The following GALNT13 variants were observed in gnomAD, a reference collection of about 807,000 sequenced individuals.
The protein encoded by GALNT13 is polypeptide N-acetylgalactosaminyltransferase 13.
GALNT13 carries 28 observed loss-of-function variants against 64.2 expected under a neutral mutation model. That is an observed-to-expected ratio of 0.44 (90% CI 0.32 to 0.60). The LOEUF is 0.60. Ranked by LOEUF, GALNT13 falls within the 20% of genes least tolerant of loss-of-function variation. The pLI is 0.05. For synonymous variants in GALNT13, 214 were observed against 224.6 expected (o/e 0.95, Z 0.42); for missense variants, 577 against 669.8 (o/e 0.86, Z 1.53).
At chr2:153,203,891 A>ACG in the GALNT13 span, among the ~76,000 whole-genome samples, 25 of 150,198 alleles carry the variant, frequency 1.7e-4, no homozygotes, top group South Asian at 2.5e-3. Flanking sequence ...ACACACACAC[A>ACG]CGCATACACT....
the GALNT13 span, among the ~76,000 whole-genome samples, chr2:153,192,929 G>A: frequency 6.6e-6 from 1 of 151,958 alleles, no homozygotes; most frequent in Non-Finnish European, 1.5e-5. Context: ...GTTGGATCAT[G>A]TTGTCATCCA....
At chr2:153,318,727 G>C in the GALNT13 span, among the ~76,000 whole-genome samples, 43 of 152,210 alleles carry the variant, frequency 2.8e-4, no homozygotes, top group Non-Finnish European at 5.3e-4. Context: ...ATTTTTCTAT[G>C]CAACTGAAAG....
chr2:153,114,251 G>C, the GALNT13 span, among the ~76,000 whole-genome samples: 1 of 152,100 alleles, frequency 6.6e-6, no homozygotes, highest in Admixed American at 6.5e-5. Flanking sequence ...TAGTTGGTCA[G>C]CTCCTCTCTG....
chr2:154,349,286 C>G (rs1696251657), intron 9 of GALNT13, among the ~76,000 whole-genome samples: 1 of 152,082 alleles, frequency 6.6e-6, no homozygotes, highest in Non-Finnish European at 1.5e-5. Context: ...ATTTTCCTAT[C>G]CATGAAATGT....
chr2:153,935,058 G>T (rs1260186989), intron 2 of GALNT13, among the ~76,000 whole-genome samples: 1 of 152,102 alleles, frequency 6.6e-6, no homozygotes, highest in Non-Finnish European at 1.5e-5. Flanking sequence ...TTTATATAAG[G>T]CTATTATGAG....
At chr2:153,229,345 C>G in the GALNT13 span, among the ~76,000 whole-genome samples, 1 of 152,186 alleles carries the variant, frequency 6.6e-6, no homozygotes, top group South Asian at 2.1e-4. Flanking sequence ...TCCTTACCCT[C>G]TGTGCCTTAG....
the GALNT13 span, among the ~76,000 whole-genome samples, chr2:153,780,780 T>C: frequency 6.6e-6 from 1 of 152,010 alleles, no homozygotes; most frequent in African/African-American, 2.4e-5. Context: ...ACAGCAAAAA[T>C]ATTGCCTGCT....
the GALNT13 span, among the ~76,000 whole-genome samples, chr2:153,204,164 C>G: frequency 6.6e-6 from 1 of 152,192 alleles, no homozygotes; most frequent in South Asian, 2.1e-4. Context: ...CTTCCAGTAA[C>G]TTTAGGAAAC....
the GALNT13 span, among the ~76,000 whole-genome samples, chr2:153,188,417 G>A: frequency 4.9e-4 from 73 of 149,768 alleles, 1 homozygote; most frequent in Non-Finnish European, 9.3e-4. Context: ...CAATTAAAAG[G>A]GCAAGTCAGG....
intron 3 of GALNT13, among the ~76,000 whole-genome samples, chr2:153,970,451 G>T (rs1317579928): frequency 6.6e-6 from 1 of 152,082 alleles, no homozygotes; most frequent in Non-Finnish European, 1.5e-5. Flanking sequence ...ACCTCCTAAA[G>T]TTGAGGTAGG....
the GALNT13 span, among the ~76,000 whole-genome samples, chr2:153,298,026 T>C: frequency 1.3e-5 from 2 of 152,192 alleles, no homozygotes; most frequent in Non-Finnish European, 2.9e-5. Flanking sequence ...GCATGTAATT[T>C]AGGAGAAAGT....
chr2:153,739,397 T>A, the GALNT13 span, among the ~76,000 whole-genome samples: 2 of 151,352 alleles, frequency 1.3e-5, no homozygotes, highest in African/African-American at 2.4e-5. Flanking sequence ...AATTATATAC[T>A]CTGTATTCTT....
intron 2 of GALNT13, among the ~76,000 whole-genome samples, chr2:153,903,253 A>G (rs1688347007): frequency 6.6e-6 from 1 of 152,078 alleles, no homozygotes; most frequent in South Asian, 2.1e-4. Flanking sequence ...GAGTGGTAAA[A>G]AAAAAGATTT....
chr2:153,301,877 TTGTGTGTG>T, the GALNT13 span, among the ~76,000 whole-genome samples: 200 of 146,140 alleles, frequency 1.4e-3, 1 homozygote, highest in East Asian at 0.013. Flanking sequence ...GTATTCCACT[TTGTGTGTG>T]TGTGTGTGTG....
chr2:154,218,326 C>A (rs1391318395), intron 4 of GALNT13, among the ~76,000 whole-genome samples: 1 of 151,886 alleles, frequency 6.6e-6, no homozygotes, highest in Non-Finnish European at 1.5e-5. Flanking sequence ...AGTCTCCAAA[C>A]CCTCCTTCTC....
At chr2:154,188,821 T>C (rs1185375629) in intron 4 of GALNT13, among the ~76,000 whole-genome samples, 12 of 152,174 alleles carry the variant, frequency 7.9e-5, no homozygotes, top group Non-Finnish European at 1.6e-4. Context: ...ATATAGTATT[T>C]CATTTTTCTG....
At chr2:153,915,456 C>T (rs1689263807) in intron 2 of GALNT13, among the ~76,000 whole-genome samples, 2 of 152,134 alleles carry the variant, frequency 1.3e-5, no homozygotes, top group South Asian at 2.1e-4. Context: ...GTATTTGTTA[C>T]ACTTTTAGCT....
At chr2:153,162,235 G>T in the GALNT13 span, among the ~76,000 whole-genome samples, 1 of 152,124 alleles carries the variant, frequency 6.6e-6, no homozygotes, top group South Asian at 2.1e-4. Context: ...TTGGTACAGG[G>T]TTATTTTTTT....
chr2:153,538,164 A>G, the GALNT13 span, among the ~76,000 whole-genome samples: 1 of 152,094 alleles, frequency 6.6e-6, no homozygotes. Context: ...GATGGAGATG[A>G]GAAACTTTTT....
Sources: gnomAD v4.1 joint callset for allele counts (sites outside exome capture counted in the v4.1 genomes callset) on GRCh38, gnomAD v4.1.1 for gene constraint, MANE v1.5 for transcripts, NCBI Gene and HGNC (gene_info 2026-07-23, HGNC 2026-07-21) for gene names.